BCAS3: variants seen among roughly 807,000 people sequenced by gnomAD.
The protein encoded by BCAS3 is BCAS3 microtubule associated cell migration factor.
A neutral mutation model predicts 116.1 loss-of-function variants in BCAS3; 53 were observed. The observed-to-expected ratio is 0.46, with a 90% CI of 0.37 to 0.57. BCAS3 has a LOEUF of 0.57. Ranked by LOEUF, BCAS3 falls within the 20% of genes least tolerant of loss-of-function variation. The pLI, the probability that BCAS3 is intolerant of heterozygous loss-of-function variation, is 0.00. For synonymous variants in BCAS3, 391 were observed against 408.2 expected (o/e 0.96, Z 0.51); for missense variants, 917 against 1,165.4 (o/e 0.79, Z 3.10).
At chr17:61,195,772 G>A (rs1426449650) in intron 22 of BCAS3, among the ~76,000 whole-genome samples, 19 of 152,120 alleles carry the variant, frequency 1.2e-4, no homozygotes, top group Admixed American at 1.2e-3. Context: ...AGCCTCCCAA[G>A]TAGCTGAGAC....
At chr17:60,682,582 G>A (rs1199152898) in intron 2 of BCAS3, among the ~76,000 whole-genome samples, 2 of 152,080 alleles carry the variant, frequency 1.3e-5, no homozygotes, top group Non-Finnish European at 2.9e-5. Context: ...GAGTGCAGTG[G>A]CGCGGTCTTG....
chr17:61,177,599 GAT>G (rs1325743441), intron 22 of BCAS3, among the ~76,000 whole-genome samples: 1 of 152,178 alleles, frequency 6.6e-6, no homozygotes, highest in East Asian at 1.9e-4. Flanking sequence ...CTTTGGCAGT[GAT>G]CACTACACTA....
intron 5 of BCAS3, among the ~76,000 whole-genome samples, chr17:60,731,584 C>G (rs1177779516): frequency 1.3e-5 from 2 of 152,186 alleles, no homozygotes; most frequent in East Asian, 3.9e-4. Flanking sequence ...CTTTCTTTCT[C>G]TAATCTGTAT....
At chr17:60,789,629 A>G (rs1039781416) in intron 6 of BCAS3, among the ~76,000 whole-genome samples, 6 of 152,174 alleles carry the variant, frequency 3.9e-5, no homozygotes, top group African/African-American at 1.2e-4. Flanking sequence ...ATCATGGTAC[A>G]TTCTGTTAAA....
chr17:61,044,474 A>G (rs1022527529), intron 19 of BCAS3, among the ~76,000 whole-genome samples: 18 of 147,178 alleles, frequency 1.2e-4, no homozygotes, highest in Non-Finnish European at 2.5e-4. Context: ...AAATATATAT[A>G]TATATGCCAT....
chr17:61,331,771 G>A (rs2056311072), intron 22 of BCAS3, among the ~76,000 whole-genome samples: 1 of 152,190 alleles, frequency 6.6e-6, no homozygotes, highest in African/African-American at 2.4e-5. Context: ...CATGAACACA[G>A]AACAAATTTG....
rs150005381 is a variant in BCAS3, at chr17:61,278,130, G to A, written c.2426-90197G>A. ...TGGTTCACTGCAACCTCTGCCTCCC[G>A]GGTCCTGATTCAAGCAATTCTCCTG... On this transcript the variant is annotated intron_variant, in intron 22 of 23. Coordinates refer to ENST00000407086, the MANE Select transcript of BCAS3 (RefSeq NM_017679.5). The surrounding 1 kb of genome is among the most constrained non-coding windows in gnomAD (Gnocchi z 5.8). Among the ~76,000 whole-genome samples, 389 of 152,272 alleles carry A rather than the reference G, an allele frequency of 2.6e-3. 5 individuals carry two copies. The highest frequency in any genetic ancestry group is 9.0e-3 in the African/African-American group (376 of 41,576).
chr17:60,755,505 C>G (rs1254352576), intron 6 of BCAS3, among the ~76,000 whole-genome samples: 1 of 152,154 alleles, frequency 6.6e-6, no homozygotes, highest in Non-Finnish European at 1.5e-5. Context: ...AGAAGTACTT[C>G]AAAACCCTGT....
intron 7 of BCAS3, among the ~76,000 whole-genome samples, chr17:60,845,916 A>G (rs1430884867): frequency 6.8e-6 from 1 of 148,046 alleles, no homozygotes; most frequent in Non-Finnish European, 1.5e-5. Context: ...ACAGGTATGT[A>G]CCACTGTACC....
chr17:60,900,614 G>C (rs1367809804), intron 10 of BCAS3, among the ~76,000 whole-genome samples: 1 of 152,138 alleles, frequency 6.6e-6, no homozygotes, highest in Non-Finnish European at 1.5e-5. Context: ...CTTCTAAGTG[G>C]AAGAGGTGAG....
chr17:61,172,786 C>T (rs546139540), intron 22 of BCAS3, among the ~76,000 whole-genome samples: 11 of 151,718 alleles, frequency 7.3e-5, no homozygotes, highest in East Asian at 6.0e-4. Flanking sequence ...GAGATCGAGA[C>T]AATCCTGGCT....
Position 61,347,092 on chromosome 17 carries a change from T to A in BCAS3, c.2426-21235T>A, listed in dbSNP as rs1602923730. 1.3e-5 allele frequency among the ~76,000 whole-genome samples: 2 copies of A among 152,302 alleles called. No homozygotes were observed. Among genetic ancestry groups the A allele is most frequent in the Non-Finnish European group, 2.9e-5 (2 of 68,024 alleles). Reference sequence around the variant, plus strand: ...ATTTTTGTTTTAACAAATTTTTTTTTAAGGCAGAGTCTTGCTCTGTCACCC... The same window carrying A: ...ATTTTTGTTTTAACAAATTTTTTTTAAAGGCAGAGTCTTGCTCTGTCACCC... On this transcript the variant is annotated intron_variant, in intron 22 of 23. Transcript: ENST00000407086. The surrounding 1 kb of genome is among the most constrained non-coding windows in gnomAD (Gnocchi z 4.3).
intron 16 of BCAS3, among the ~76,000 whole-genome samples, chr17:61,030,451 G>C (rs1349029695): frequency 2.6e-5 from 4 of 152,038 alleles, no homozygotes; most frequent in Non-Finnish European, 4.4e-5. Flanking sequence ...TATTGACCTG[G>C]CTGGATTACA....
intron 16 of BCAS3, among the ~76,000 whole-genome samples, chr17:61,018,290 GTTTTTTTTTTTTTTTT>G (rs10570881): frequency 1.2e-5 from 1 of 83,066 alleles, no homozygotes; most frequent in Non-Finnish European, 2.3e-5. Context: ...AAATTCCCCA[GTTTTTTTTTTTTTTTT>G]TTTTTTTTTT....
rs1016483165 is a variant in BCAS3, at chr17:60,962,314, G to A, written c.1221+14962G>A. ...TACATTTCCACCAGCAGTGTGCAAG[G>A]GTCTCTTCTCCACATTCTCACCAGC... is the stretch of plus-strand genomic sequence containing the variant. On this transcript the variant is annotated intron_variant, in intron 14 of 23. Coordinates refer to ENST00000407086, the MANE Select transcript of BCAS3 (RefSeq NM_017679.5). This position sits in a 1 kb window ranked among gnomAD's most constrained non-coding sequence, Gnocchi z 4.4. Among the ~76,000 whole-genome samples, 1 of 152,006 alleles carries A rather than the reference G, an allele frequency of 6.6e-6. No homozygotes were observed. The highest frequency in any genetic ancestry group is 2.4e-5 in the African/African-American group (1 of 41,402).
At chr17:61,024,213 A>G (rs2066067529) in intron 16 of BCAS3, among the ~76,000 whole-genome samples, 1 of 152,210 alleles carries the variant, frequency 6.6e-6, no homozygotes, top group Admixed American at 6.5e-5. Flanking sequence ...GACACTATCC[A>G]TACAAAGACA....
chr17:61,018,290 GTTTTTTTTT>G (rs10570881), intron 16 of BCAS3, among the ~76,000 whole-genome samples: 1 of 83,058 alleles, frequency 1.2e-5, no homozygotes, highest in East Asian at 4.5e-4. Flanking sequence ...AAATTCCCCA[GTTTTTTTTT>G]TTTTTTTTTT....
chr17:61,044,635 A>G (rs888343460), intron 19 of BCAS3, among the ~76,000 whole-genome samples: 1 of 151,724 alleles, frequency 6.6e-6, no homozygotes, highest in Non-Finnish European at 1.5e-5. Flanking sequence ...TTTGAGTTCC[A>G]GGTGGACTAA....
Position 61,302,938 on chromosome 17 carries a change from G to A in BCAS3, c.2426-65389G>A, listed in dbSNP as rs2053567299. On this transcript the variant is annotated intron_variant, in intron 22 of 23. Coordinates refer to ENST00000407086, the MANE Select transcript of BCAS3 (RefSeq NM_017679.5). The surrounding 1 kb of genome is among the most constrained non-coding windows in gnomAD (Gnocchi z 4.4). ...ATCTATCTCTAAGGTCCCTTCCAGT[G>A]CCATCTGACCATCCATGGCTCTAGG... 6.6e-6 allele frequency among the ~76,000 whole-genome samples: 1 copy of A among 152,132 alleles called. No homozygotes were observed. The highest frequency in any genetic ancestry group is 1.5e-5 in the Non-Finnish European group (1 of 68,032).
Sources: allele counts gnomAD v4.1 joint callset (sites outside exome capture counted in the v4.1 genomes callset), GRCh38; gene constraint gnomAD v4.1.1; non-coding constraint Gnocchi (gnomAD v3.1); transcripts MANE v1.5; gene names NCBI Gene and HGNC (gene_info 2026-07-23, HGNC 2026-07-21).